CTPS1: variants seen among roughly 807,000 people sequenced by gnomAD.
The protein encoded by CTPS1 is CTP synthetase 1.
A neutral mutation model predicts 80.5 loss-of-function variants in CTPS1; 25 were observed. The observed-to-expected ratio is 0.31, with a 90% CI of 0.23 to 0.43. The LOEUF (loss-of-function observed/expected upper bound fraction) is 0.43, where lower values mean the gene tolerates loss of function less well. CTPS1 is among the 20% of genes least tolerant of loss of function. The pLI is 1.00. For missense variants in CTPS1, 442 were observed against 725.7 expected (o/e 0.61, Z 4.49); for synonymous variants, 267 against 252.5 (o/e 1.06, Z -0.54).
chr1:41,003,027 A>AC lies in CTPS1; in HGVS notation c.1190-86dup, dbSNP rs1407987778. On this transcript the variant is annotated intron_variant, in intron 11 of 18. Coordinates refer to ENST00000650070, the MANE Select transcript of CTPS1 (RefSeq NM_001905.4). Reference sequence around the variant, plus strand: ...GCAATTATAATTCTCCAAATAAAGGACACAAAGGCCATTGCAGAGGCTGCT... The same window carrying AC: ...GCAATTATAATTCTCCAAATAAAGGACCACAAAGGCCATTGCAGAGGCTGCT... The AC allele has an allele frequency of 1.6e-5, 21 of 1,280,334 alleles. No individual in the cohort carries two copies. In the African/African-American group the frequency reaches 2.9e-4, roughly 18 times the overall value. 79.3% of individuals were successfully genotyped at this position (1,280,334 alleles called of 1,614,324 possible).
chr1:40,996,657 G>A (rs1349186318), intron 8 of CTPS1, among the ~76,000 whole-genome samples: 1 of 152,198 alleles, frequency 6.6e-6, no homozygotes, highest in East Asian at 1.9e-4. Flanking sequence ...TTTGGAGAGG[G>A]CATACTCATT....
intron 16 of CTPS1, among the ~76,000 whole-genome samples, 160 bp from the exon 17 acceptor site, chr1:41,009,285 C>G (rs777967005): frequency 6.6e-6 from 1 of 152,348 alleles, no homozygotes; most frequent in Non-Finnish European, 1.5e-5. Flanking sequence ...GGTATCAGAT[C>G]ACTCATGCTT....
intron 13 of CTPS1, 95 bp downstream of exon 13, chr1:41,006,189 C>T: frequency 9.5e-7 from 1 of 1,056,592 alleles, no homozygotes; most frequent in South Asian, 1.3e-5. Context: ...AGTGAGACTG[C>T]TTGAGTCCAT....
intron 8 of CTPS1, chr1:40,997,187 C>T (rs1642775404): frequency 1.9e-6 from 1 of 535,702 alleles, no homozygotes; most frequent in Non-Finnish European, 3.3e-6. Context: ...GGCTGTAGTG[C>T]AGTGGTGCAG....
chr1:41,009,694 G>A, intron 17 of CTPS1, 105 bp downstream of exon 17: 1 of 1,364,492 alleles, frequency 7.3e-7, no homozygotes, highest in Admixed American at 2.2e-5. Context: ...AGAAAAAAAA[G>A]CCACAGGCGC....
rs765397908 is a variant in CTPS1 at position 41,009,595 on chromosome 1, C to T, written c.1691+6C>T. 3.3e-5 allele frequency: 53 copies of T among 1,613,868 alleles called. No homozygotes were observed. The highest frequency in any genetic ancestry group is 1.5e-4 in the Admixed American group (9 of 60,000). Reference sequence around the variant, plus strand: ...GGCTGCAGGCTCTCACCCAGGTAGGCGCACTCTTTGCTTCAGTAATCCATT... The same window carrying T: ...GGCTGCAGGCTCTCACCCAGGTAGGTGCACTCTTTGCTTCAGTAATCCATT... On this transcript the variant is annotated splice_donor_region_variant and intron_variant, in intron 17 of 18. Transcript: ENST00000650070.
At chr1:40,992,293 C>G (rs1465211989) in intron 7 of CTPS1, among the ~76,000 whole-genome samples, 1 of 152,182 alleles carries the variant, frequency 6.6e-6, no homozygotes, top group African/African-American at 2.4e-5. Context: ...GCGTCCTTCA[C>G]TGGGCTCCTG....
intron 9 of CTPS1, among the ~76,000 whole-genome samples, chr1:40,998,575 T>A (rs1332078324): frequency 6.6e-6 from 1 of 152,136 alleles, no homozygotes; most frequent in African/African-American, 2.4e-5. Flanking sequence ...AGGGTTGTTG[T>A]AAGAAGTTCA....
rs753610646 is a variant in CTPS1 at position 41,010,213 on chromosome 1, G to C, written c.1744G>C (p.Glu582Gln). The change falls in exon 18 of 19, where the codon GAA (glutamate) becomes CAA (glutamine). Residue 582 changes from glutamate (E) to glutamine (Q), a missense_variant. Glu to Gln is a conservative substitution (Grantham distance 29, BLOSUM62 2). Transcript: ENST00000650070. ...CAGCTCCCCTGACTCTGAAATCACC[G>C]AACTGAAGTTTCCATCAATAAATCA... ...GSSSPDSEITELKFPSINHD is the reference protein window; with the variant it reads ...GSSSPDSEITQLKFPSINHD The C allele has an allele frequency of 5.4e-5, 87 of 1,613,794 alleles. No individual in the cohort carries two copies. The highest frequency in any genetic ancestry group is 7.3e-5 in the Non-Finnish European group (86 of 1,179,800).
rs201387437 is a variant in CTPS1 at position 40,988,551 on chromosome 1, A to T, written c.439-43A>T. On this transcript the variant is annotated intron_variant, in intron 4 of 18. Coordinates refer to ENST00000650070, the MANE Select transcript of CTPS1 (RefSeq NM_001905.4). ...TTGTTAGAAAACTAAACTGCCAGAG[A>T]AGGGTTTAGTGCCTAACCTCTGAAA... 9.1e-6 allele frequency: 12 copies of T among 1,318,332 alleles called. No homozygotes were observed. In the Admixed American group the frequency reaches 1.9e-4, roughly 21 times the overall value. The allele number at this position is 1,318,332 out of a possible 1,614,324, so 81.7% of individuals were successfully genotyped here. A position where few individuals can be genotyped will look rare whatever the true frequency, so the allele number is the denominator to read the frequency against.
At chr1:40,990,593 T>A (rs1642578605) in intron 5 of CTPS1, among the ~76,000 whole-genome samples, 1 of 151,414 alleles carries the variant, frequency 6.6e-6, no homozygotes, top group East Asian at 1.9e-4. Flanking sequence ...GAGACCAGCC[T>A]GGGCAATGTG....
At chr1:40,981,736 A>G (rs1003670375) in intron 1 of CTPS1, among the ~76,000 whole-genome samples, 1 of 152,048 alleles carries the variant, frequency 6.6e-6, no homozygotes, top group East Asian at 1.9e-4. Flanking sequence ...TGAGAATCCC[A>G]TGTGCATTTT....
intron 8 of CTPS1, 62 bp from the exon 9 acceptor site, chr1:40,997,332 T>G: frequency 6.5e-7 from 1 of 1,549,376 alleles, no homozygotes; most frequent in Admixed American, 2.0e-5. Flanking sequence ...AATAGCTATT[T>G]TGGTCTCATG....
chr1:40,980,119 T>C, intron 1 of CTPS1: 1 of 151,286 alleles, frequency 6.6e-6, no homozygotes, highest in Non-Finnish European at 1.5e-5. Flanking sequence ...CTGCGGGGCC[T>C]GCGCTGCCGC....
intron 13 of CTPS1, among the ~76,000 whole-genome samples, 161 bp downstream of exon 13, chr1:41,006,255 C>T (rs1347934532): frequency 6.6e-6 from 1 of 152,130 alleles, no homozygotes; most frequent in Non-Finnish European, 1.5e-5. Context: ...AAAAACTTTT[C>T]TTTTTCATTA....
intron 1 of CTPS1, chr1:40,981,882 G>T: frequency 1.3e-6 from 1 of 765,544 alleles, no homozygotes; most frequent in South Asian, 1.6e-5. Context: ...GGGTGGGGCG[G>T]GGGAATGCTT....
chr1:40,998,567 GGTT>G (rs1220211526), intron 9 of CTPS1, among the ~76,000 whole-genome samples: 2 of 152,086 alleles, frequency 1.3e-5, no homozygotes, highest in Non-Finnish European at 2.9e-5. Context: ...TTCCTCCTAG[GGTT>G]GTTGTAAGAA....
At chr1:40,984,544 C>T (rs992825061) in intron 2 of CTPS1, among the ~76,000 whole-genome samples, 9 of 152,222 alleles carry the variant, frequency 5.9e-5, no homozygotes, top group Admixed American at 3.3e-4. Context: ...CCTGTATGCA[C>T]AGCCCACTGG....
intron 1 of CTPS1, chr1:40,980,798 G>C (rs1651851399): frequency 1.3e-5 from 2 of 152,378 alleles, no homozygotes; most frequent in Admixed American, 6.5e-5. Flanking sequence ...ACATGATCTG[G>C]CCCTTGCCTA....
Sources: allele counts gnomAD v4.1 joint callset (sites outside exome capture counted in the v4.1 genomes callset), GRCh38; gene constraint gnomAD v4.1.1; transcripts MANE v1.5; gene names NCBI Gene and HGNC (gene_info 2026-07-23, HGNC 2026-07-21).